SLC9C1: variants seen among roughly 807,000 people sequenced by gnomAD.
SLC9C1 encodes solute carrier family 9 member C1, also known as sodium/hydrogen exchanger 10.
In SLC9C1, 97 loss-of-function variants were observed where a neutral mutation model predicts 140.9. The observed-to-expected ratio is 0.69, with a 90% CI of 0.58 to 0.82. The LOEUF is 0.82. Ranked by LOEUF, SLC9C1 falls within the 40% of genes least tolerant of loss-of-function variation. The pLI, the probability that SLC9C1 is intolerant of heterozygous loss-of-function variation, is 0.00. For missense variants in SLC9C1, 1,340 were observed against 1,389.3 expected (o/e 0.96, Z 0.56); for synonymous variants, 440 against 442.6 (o/e 0.99, Z 0.07).
intron 8 of SLC9C1, among the ~76,000 whole-genome samples, chr3:112,264,703 C>T (rs1383428373): frequency 1.3e-5 from 2 of 151,884 alleles, no homozygotes; most frequent in Non-Finnish European, 2.9e-5. Context: ...TTAACATGGA[C>T]CTGTTACAGG....
chr3:112,164,800 G>C (rs62277465), intron 26 of SLC9C1, among the ~76,000 whole-genome samples: 2 of 151,768 alleles, frequency 1.3e-5, no homozygotes, highest in Admixed American at 6.6e-5. Context: ...TCTGTATTTC[G>C]TGAATTTGAA....
In SLC9C1 at chr3:112,264,713, G is replaced by T. The variant is rs147248324; in HGVS notation, c.879-370C>A. ...AAGAGTTAACATGGACCTGTTACAG[G>T]TTGTTTTGAGATGTTAGTAGGATTT... On this transcript the variant is annotated intron_variant, in intron 8 of 28. Coordinates refer to ENST00000305815, the MANE Select transcript of SLC9C1 (RefSeq NM_183061.3). 3.4e-3 allele frequency among the ~76,000 whole-genome samples: 512 copies of T among 152,092 alleles called. 4 individuals are homozygous for T. The highest frequency in any genetic ancestry group is 0.011 in the South Asian group (55 of 4,824).
chr3:112,285,853 A>G (rs955971154), intron 2 of SLC9C1, among the ~76,000 whole-genome samples: 83 of 151,868 alleles, frequency 5.5e-4, no homozygotes, highest in African/African-American at 1.9e-3. Context: ...TGCAATATCC[A>G]CCTCCTGGCT....
At chr3:112,185,740 GGCCT>G in intron 20 of SLC9C1, 2 of 1,538,852 alleles carry the variant, frequency 1.3e-6, no homozygotes, top group Non-Finnish European at 1.7e-6. Context: ...CTGAGCCCCC[GGCCT>G]GCCGGGCTGT....
At chr3:112,190,146 G>C (rs193096947) in intron 20 of SLC9C1, among the ~76,000 whole-genome samples, 1 of 152,182 alleles carries the variant, frequency 6.6e-6, no homozygotes, top group African/African-American at 2.4e-5. Context: ...GAGACGATGG[G>C]GTTTTCTAGA....
intron 14 of SLC9C1, among the ~76,000 whole-genome samples, chr3:112,218,342 C>A (rs1459280235): frequency 6.6e-6 from 1 of 152,014 alleles, no homozygotes; most frequent in Non-Finnish European, 1.5e-5. Context: ...GAGGCCCTAC[C>A]TTATAATGTG....
At chr3:112,193,508 G>T (rs1180267976) in intron 20 of SLC9C1, among the ~76,000 whole-genome samples, 2 of 152,112 alleles carry the variant, frequency 1.3e-5, no homozygotes, top group Non-Finnish European at 2.9e-5. Flanking sequence ...GGGTAACTTG[G>T]GGCTCTTTCT....
chr3:112,215,566 C>G (rs914089195), intron 15 of SLC9C1, among the ~76,000 whole-genome samples: 1 of 152,020 alleles, frequency 6.6e-6, no homozygotes, highest in Non-Finnish European at 1.5e-5. Flanking sequence ...ACACCAATAA[C>G]AGACAAACAG....
At chr3:112,254,771 TG>T (rs1310928591) in intron 10 of SLC9C1, among the ~76,000 whole-genome samples, 2 of 152,118 alleles carry the variant, frequency 1.3e-5, no homozygotes, top group Non-Finnish European at 2.9e-5. Flanking sequence ...ATGGGTTAAA[TG>T]CCCCATTTAA....
intron 15 of SLC9C1, among the ~76,000 whole-genome samples, chr3:112,214,423 G>A (rs2078296582): frequency 6.6e-6 from 1 of 152,030 alleles, no homozygotes; most frequent in Admixed American, 6.6e-5. Context: ...TCCAGGAGCT[G>A]GTTTTTTTGA....
At chr3:112,150,827 TATATATATATA>T (rs1560003519) in intron 28 of SLC9C1, among the ~76,000 whole-genome samples, 14 of 42,420 alleles carry the variant, frequency 3.3e-4, no homozygotes, top group Non-Finnish European at 4.3e-4. Flanking sequence ...TATACATATA[TATATATATATA>T]TATTTTTTTT....
At position 112,182,222 on chromosome 3, in the gene SLC9C1, G is replaced by C. The variant is rs765570608; in HGVS notation, c.2560C>G (p.Gln854Glu). ...ACAGTAAGAGGCCTGATAATAGATTGAGAATCAAGCACCTCTTTCTTTTTG... is the reference window on the plus strand; with the variant it reads ...ACAGTAAGAGGCCTGATAATAGATTCAGAATCAAGCACCTCTTTCTTTTTG... ...MAKKKEVLDS[Q>E]SIIRPLTVEE... The change falls in exon 21 of 29, where the codon CAA (glutamine) becomes GAA (glutamate). Residue 854 changes from glutamine to glutamate, a missense_variant. By Grantham distance (29) the Gln-to-Glu change is conservative. Transcript: ENST00000305815. 6.2e-7 allele frequency: 1 copy of C among 1,606,086 alleles called. No homozygotes were observed. The highest frequency in any genetic ancestry group is 1.1e-5 in the South Asian group (1 of 88,892).
At chr3:112,227,110 A>G (rs962678639) in intron 13 of SLC9C1, among the ~76,000 whole-genome samples, 1 of 152,086 alleles carries the variant, frequency 6.6e-6, no homozygotes, top group Admixed American at 6.5e-5. Context: ...ACATAAACCT[A>G]CTGAGATTGA....
rs745844861 is a variant in SLC9C1 at position 112,141,282 on chromosome 3, C to T, written c.3525-1G>A. The T allele has an allele frequency of 1.3e-6, 2 of 1,581,872 alleles. No individual in the cohort carries two copies. Among genetic ancestry groups the T allele is most frequent in the East Asian group, 4.8e-5 (2 of 42,102 alleles). On this transcript the variant is annotated splice_acceptor_variant, in intron 28 of 28. Coordinates refer to ENST00000305815, the MANE Select transcript of SLC9C1 (RefSeq NM_183061.3). LOFTEE classifies it high-confidence loss of function. ...GTCTTCTTAACAGTCTTACTCTTTCCTAATAGAAGCGGAAAGAAAAAACAA... is the reference window on the plus strand; with the variant it reads ...GTCTTCTTAACAGTCTTACTCTTTCTTAATAGAAGCGGAAAGAAAAAACAA...
At chr3:112,208,633 T>C (rs1419661559) in intron 15 of SLC9C1, among the ~76,000 whole-genome samples, 2 of 152,206 alleles carry the variant, frequency 1.3e-5, no homozygotes, top group Non-Finnish European at 2.9e-5. Context: ...TTTTTCTTTT[T>C]ACTTTTAATG....
chr3:112,210,222 G>A (rs1389093140), intron 15 of SLC9C1, among the ~76,000 whole-genome samples: 5 of 152,166 alleles, frequency 3.3e-5, no homozygotes, highest in Non-Finnish European at 7.4e-5. Context: ...GAATGTTCAT[G>A]GCAGCACTAT....
At chr3:112,198,832 G>C (rs1406663965) in intron 20 of SLC9C1, among the ~76,000 whole-genome samples, 1 of 150,684 alleles carries the variant, frequency 6.6e-6, no homozygotes, top group Non-Finnish European at 1.5e-5. Context: ...TTTTTCTTAT[G>C]CTATTTCCAA....
intron 20 of SLC9C1, among the ~76,000 whole-genome samples, chr3:112,189,938 A>C (rs933105882): frequency 1.3e-5 from 2 of 152,140 alleles, no homozygotes; most frequent in Non-Finnish European, 2.9e-5. Context: ...CTCCTTGAAG[A>C]GGTCCTTCAC....
At chr3:112,207,084 T>C (rs1285877806) in intron 16 of SLC9C1, among the ~76,000 whole-genome samples, 2 of 152,154 alleles carry the variant, frequency 1.3e-5, no homozygotes, top group Admixed American at 6.5e-5. Flanking sequence ...GCTAAAATAC[T>C]GAAGCATCTA....
Sources: gnomAD v4.1 joint callset for allele counts (sites outside exome capture counted in the v4.1 genomes callset) on GRCh38, gnomAD v4.1.1 for gene constraint, MANE v1.5 for transcripts, NCBI Gene and HGNC (gene_info 2026-07-23, HGNC 2026-07-21) for gene names.